Variants in NT5C2 observed in about 807,000 individuals in gnomAD.
NT5C2 encodes the protein cytosolic purine 5'-nucleotidase.
NT5C2 carries 58 observed loss-of-function variants against 76.1 expected under a neutral mutation model. The ratio of observed to expected loss-of-function variants is 0.76; its 90% CI spans 0.62 to 0.95. NT5C2 has a LOEUF of 0.95. Among genes scored for constraint, NT5C2 ranks in the 40% least tolerant of loss-of-function variants. The pLI, the probability that NT5C2 is intolerant of heterozygous loss-of-function variation, is 0.00. For synonymous variants in NT5C2, 229 were observed against 237.4 expected (o/e 0.96, Z 0.32); for missense variants, 478 against 690.3 (o/e 0.69, Z 3.45).
chr10:103,167,528 T>C (rs1206810919), intron 3 of NT5C2, among the ~76,000 whole-genome samples: 1 of 152,084 alleles, frequency 6.6e-6, no homozygotes, highest in Non-Finnish European at 1.5e-5. Flanking sequence ...CCATAAGTGA[T>C]TAAAAGAGAA....
chr10:103,135,894 G>A (rs2079104512), intron 4 of NT5C2, among the ~76,000 whole-genome samples: 1 of 151,882 alleles, frequency 6.6e-6, no homozygotes, highest in East Asian at 1.9e-4. Flanking sequence ...AGACTGGCCT[G>A]GGTAACCTGG....
At chr10:103,096,034 T>C in intron 11 of NT5C2, 54 bp from the exon 12 acceptor site, 2 of 1,288,798 alleles carry the variant, frequency 1.6e-6, no homozygotes, top group Admixed American at 1.7e-5. Flanking sequence ...AAAAGGTATA[T>C]AACCTAAAGA....
intron 3 of NT5C2, among the ~76,000 whole-genome samples, chr10:103,150,980 T>A (rs1057085761): frequency 6.6e-6 from 1 of 152,196 alleles, no homozygotes; most frequent in Non-Finnish European, 1.5e-5. Context: ...GCCCAACTTA[T>A]CAGTTTTGTC....
chr10:103,128,975 AG>A (rs1348344342), intron 4 of NT5C2, among the ~76,000 whole-genome samples: 4 of 77,310 alleles, frequency 5.2e-5, no homozygotes, highest in East Asian at 6.3e-4. Flanking sequence ...GGAGGGAGGT[AG>A]GGGGGGGTCA....
At chr10:103,192,407 T>C (rs995794550) in intron 1 of NT5C2, among the ~76,000 whole-genome samples, 1 of 152,212 alleles carries the variant, frequency 6.6e-6, no homozygotes, top group African/African-American at 2.4e-5. Flanking sequence ...AGCCTCTACC[T>C]GCTGCTTTTA....
intron 3 of NT5C2, among the ~76,000 whole-genome samples, chr10:103,170,967 T>C (rs542137216): frequency 5.9e-5 from 9 of 152,316 alleles, no homozygotes; most frequent in Non-Finnish European, 1.2e-4. Context: ...AGAAAAAGTA[T>C]AGAACTCCAT....
intron 3 of NT5C2, among the ~76,000 whole-genome samples, chr10:103,165,060 G>A (rs2086023412): frequency 6.6e-6 from 1 of 152,180 alleles, no homozygotes; most frequent in Non-Finnish European, 1.5e-5. Flanking sequence ...GAATTCATGT[G>A]ACGTAAGAAA....
At chr10:103,109,001 G>A (rs1470525668) in intron 4 of NT5C2, among the ~76,000 whole-genome samples, 1 of 152,018 alleles carries the variant, frequency 6.6e-6, no homozygotes, top group Non-Finnish European at 1.5e-5. Flanking sequence ...TGGGATTACA[G>A]GTGCCCGCCA....
At chr10:103,112,514 A>G (rs1483984426) in intron 4 of NT5C2, among the ~76,000 whole-genome samples, 1 of 152,244 alleles carries the variant, frequency 6.6e-6, no homozygotes. Context: ...ACTGAGTTGA[A>G]GATACATAAT....
chr10:103,098,185 A>G, intron 10 of NT5C2: 1 of 422,810 alleles, frequency 2.4e-6, no homozygotes, highest in Non-Finnish European at 4.5e-6. Context: ...CTGTGAAAAT[A>G]AAGAGTTCCC....
In NT5C2 at chr10:103,089,843, G is replaced by A; in HGVS notation, c.1515C>T (p.Ala505=). 6.2e-7 allele frequency: 1 copy of A among 1,614,028 alleles called. No homozygotes were observed. The highest frequency in any genetic ancestry group is 8.5e-7 in the Non-Finnish European group (1 of 1,179,984). ...AATCCACTGATGTGCGGTTCCGGGTGGCAAGAGGAGACTCCATCTCATTGA... is the reference window on the plus strand; with the variant it reads ...AATCCACTGATGTGCGGTTCCGGGTAGCAAGAGGAGACTCCATCTCATTGA... The part of the protein sequence containing the change: ...VDINEMESPL[A]TRNRTSVDFK... The change falls in exon 19 of 19, where the codon GCC becomes GCT. Residue 505 remains alanine, a synonymous_variant. Transcript: ENST00000404739.
chr10:103,124,435 G>A (rs1205878004), intron 4 of NT5C2, among the ~76,000 whole-genome samples: 1 of 152,050 alleles, frequency 6.6e-6, no homozygotes, highest in Non-Finnish European at 1.5e-5. Flanking sequence ...AGCAAGCCAG[G>A]TTTTTCCATA....
intron 3 of NT5C2, among the ~76,000 whole-genome samples, chr10:103,158,321 T>C (rs1036376556): frequency 2.0e-5 from 3 of 151,946 alleles, no homozygotes; most frequent in Non-Finnish European, 4.4e-5. Context: ...TAAGAAATTA[T>C]AGAAAAAGAA....
intron 3 of NT5C2, among the ~76,000 whole-genome samples, chr10:103,172,741 A>G (rs1234664931): frequency 6.6e-6 from 1 of 152,162 alleles, no homozygotes; most frequent in Non-Finnish European, 1.5e-5. Flanking sequence ...AGGCTGAGGC[A>G]TGAGAATTGC....
At chr10:103,146,018 A>G (rs75201170) in intron 3 of NT5C2, 1 of 978,094 alleles carries the variant, frequency 1.0e-6, no homozygotes, top group Admixed American at 6.1e-5. Flanking sequence ...TTGTAATTCA[A>G]AGCAGTATTA....
intron 4 of NT5C2, among the ~76,000 whole-genome samples, chr10:103,119,712 A>C (rs1399712353): frequency 6.6e-6 from 1 of 152,256 alleles, no homozygotes; most frequent in African/African-American, 2.4e-5. Flanking sequence ...CAGCTCAGCT[A>C]ATCTTCCATC....
At chr10:103,101,706 AT>A (rs145371389) in intron 6 of NT5C2, among the ~76,000 whole-genome samples, 3,463 of 152,150 alleles carry the variant, frequency 0.023, 83 homozygotes, top group South Asian at 0.12. Flanking sequence ...TACACATATA[AT>A]TATAAGGTAA....
intron 3 of NT5C2, among the ~76,000 whole-genome samples, chr10:103,156,231 T>C (rs2083350319): frequency 6.6e-6 from 1 of 152,118 alleles, no homozygotes; most frequent in African/African-American, 2.4e-5. Context: ...ACTGCTGTAA[T>C]CTAGGACAGC....
intron 9 of NT5C2, 39 bp downstream of exon 9, chr10:103,099,887 G>T: frequency 1.6e-6 from 2 of 1,265,158 alleles, no homozygotes; most frequent in Non-Finnish European, 2.3e-6. Context: ...TAAAATACAT[G>T]CCAGAAAGCA....
Sources: gnomAD v4.1 joint callset for allele counts (sites outside exome capture counted in the v4.1 genomes callset) on GRCh38, gnomAD v4.1.1 for gene constraint, MANE v1.5 for transcripts, NCBI Gene and HGNC (gene_info 2026-07-23, HGNC 2026-07-21) for gene names.